The following KCND2 variants were observed in gnomAD, a reference collection of about 807,000 sequenced individuals.
KCND2 encodes A-type voltage-gated potassium channel KCND2.
Under a neutral mutation model 54.4 loss-of-function variants are expected in KCND2, and 16 were observed. The observed-to-expected ratio is 0.29, with a 90% CI of 0.20 to 0.45. The LOEUF (loss-of-function observed/expected upper bound fraction) is 0.45, where lower values mean the gene tolerates loss of function less well. KCND2 is among the 20% of genes least tolerant of loss of function. The pLI is 1.00. For missense variants in KCND2, 486 were observed against 824.2 expected, an observed-to-expected ratio of 0.59 and a Z score of 5.02; for synonymous variants, 317 against 310.7, an observed-to-expected ratio of 1.02 and a Z score of -0.21.
rs117922927 is a variant in KCND2 at position 120,321,979 on chromosome 7, T to A, written c.1115+46232T>A. 6.3e-3 allele frequency among the ~76,000 whole-genome samples: 954 copies of A among 152,030 alleles called. 9 individuals are homozygous for A. The highest frequency in any genetic ancestry group is 0.024 in the Middle Eastern group (7 of 294). On this transcript the variant is annotated intron_variant, in intron 1 of 5. Transcript: ENST00000331113. ...GTTAATATTAATGAGAAAATATGAG[T>A]AGGAAATTCCCACAGAAATATCTAC...
intron 1 of KCND2, among the ~76,000 whole-genome samples, chr7:120,632,415 A>C (rs897833510): frequency 6.6e-6 from 1 of 152,192 alleles, no homozygotes; most frequent in African/African-American, 2.4e-5. Context: ...TGTAAATTAC[A>C]GTTACTACTT....
chr7:120,329,470 G>A (rs2116344730), intron 1 of KCND2, among the ~76,000 whole-genome samples: 1 of 152,128 alleles, frequency 6.6e-6, no homozygotes, highest in Non-Finnish European at 1.5e-5. Context: ...TGAAAATTAA[G>A]TTAAATCTCC....
chr7:120,326,894 G>A (rs1231309647), intron 1 of KCND2, among the ~76,000 whole-genome samples: 1 of 152,018 alleles, frequency 6.6e-6, no homozygotes, highest in East Asian at 1.9e-4. Context: ...TATCTAATAA[G>A]TGCAGAACAA....
At chr7:120,648,265 A>G (rs901704831) in intron 1 of KCND2, among the ~76,000 whole-genome samples, 3 of 152,148 alleles carry the variant, frequency 2.0e-5, no homozygotes, top group Non-Finnish European at 4.4e-5. Context: ...ATGGGAATGA[A>G]TGAGTTTGGA....
chr7:120,572,207 C>G (rs1792374774), intron 1 of KCND2, among the ~76,000 whole-genome samples: 1 of 150,614 alleles, frequency 6.6e-6, no homozygotes, highest in Non-Finnish European at 1.5e-5. Flanking sequence ...AATTAAAATA[C>G]AGCCCATTGA....
chr7:120,283,830 TG>T (rs1383944939), intron 1 of KCND2, among the ~76,000 whole-genome samples: 1 of 152,152 alleles, frequency 6.6e-6, no homozygotes, highest in Non-Finnish European at 1.5e-5. Flanking sequence ...CTTTTCCAGG[TG>T]TTTTGTTAGT....
chr7:120,357,823 A>T (rs1800527828), intron 1 of KCND2, among the ~76,000 whole-genome samples: 1 of 152,116 alleles, frequency 6.6e-6, no homozygotes, highest in African/African-American at 2.4e-5. Context: ...TCCTCTTATA[A>T]GGATATGAGT....
chr7:120,394,893 G>A (rs1444043902), intron 1 of KCND2, among the ~76,000 whole-genome samples: 3 of 151,890 alleles, frequency 2.0e-5, no homozygotes, highest in African/African-American at 7.2e-5. Context: ...TTGGATGAGT[G>A]AGAAAAAAAT....
At chr7:120,559,549 A>G (rs919614707) in intron 1 of KCND2, among the ~76,000 whole-genome samples, 8 of 152,224 alleles carry the variant, frequency 5.3e-5, no homozygotes, top group African/African-American at 7.2e-5. Context: ...AGGCAGTTCT[A>G]TGATCATTTG....
At chr7:120,562,564 AT>A (rs375770881) in intron 1 of KCND2, among the ~76,000 whole-genome samples, 6,522 of 151,612 alleles carry the variant, frequency 0.043, 210 homozygotes, top group Non-Finnish European at 0.066. Context: ...GCAGAAAAGG[AT>A]TTTTTTTTCT....
chr7:120,685,973 A>G (rs765577462), intron 1 of KCND2, among the ~76,000 whole-genome samples: 63 of 152,260 alleles, frequency 4.1e-4, no homozygotes, highest in Non-Finnish European at 8.4e-4. Flanking sequence ...CATTCAAGTG[A>G]CTGAAGATCC....
At chr7:120,555,127 G>A (rs957402873) in intron 1 of KCND2, among the ~76,000 whole-genome samples, 1 of 152,052 alleles carries the variant, frequency 6.6e-6, no homozygotes, top group African/African-American at 2.4e-5. Flanking sequence ...TCCCACACAG[G>A]GACAAGAGTG....
intron 1 of KCND2, among the ~76,000 whole-genome samples, chr7:120,640,800 C>T (rs946009035): frequency 6.6e-6 from 1 of 152,110 alleles, no homozygotes; most frequent in African/African-American, 2.4e-5. Flanking sequence ...ATTCATCAGC[C>T]CACTGTATCT....
Position 120,430,502 on chromosome 7 carries a change from C to T in KCND2, c.1115+154755C>T, listed in dbSNP as rs569800773. Among the ~76,000 whole-genome samples the T allele has an allele frequency of 5.9e-5, 9 of 151,816 alleles. No homozygotes were observed. The South Asian group carries it at 6.3e-4, about 11-fold the overall frequency. On this transcript the variant is annotated intron_variant, in intron 1 of 5. Coordinates refer to ENST00000331113, the MANE Select transcript of KCND2 (RefSeq NM_012281.3). ...GTATGCACCAGTAATCCTAGCTACT[C>T]GGGAGGCTGAAGCAGGAGAATCACC...
chr7:120,543,903 ATCTTCTATGAATTTTTTGATTATGTG>A (rs1259224074), intron 1 of KCND2, among the ~76,000 whole-genome samples: 1 of 151,960 alleles, frequency 6.6e-6, no homozygotes, highest in Non-Finnish European at 1.5e-5. Flanking sequence ...AGCAATTATT[ATCTTCTATGAATTTTTTGATTATGTG>A]TATAACTGGG....
intron 1 of KCND2, among the ~76,000 whole-genome samples, chr7:120,345,626 A>G (rs550964096): frequency 3.3e-5 from 5 of 152,152 alleles, no homozygotes; most frequent in African/African-American, 1.2e-4. Flanking sequence ...ATACAAGTGG[A>G]CTAGCTTATT....
chr7:120,450,832 T>C (rs1224791711), intron 1 of KCND2, among the ~76,000 whole-genome samples: 1 of 152,136 alleles, frequency 6.6e-6, no homozygotes, highest in Non-Finnish European at 1.5e-5. Flanking sequence ...TTAAAGTGAA[T>C]TAATATTGTT....
intron 1 of KCND2, among the ~76,000 whole-genome samples, chr7:120,386,733 C>T (rs1800994029): frequency 6.6e-6 from 1 of 152,042 alleles, no homozygotes; most frequent in Non-Finnish European, 1.5e-5. Flanking sequence ...TTATATGAAA[C>T]ATTTCATCAC....
intron 1 of KCND2, among the ~76,000 whole-genome samples, chr7:120,281,440 A>C (rs1374858398): frequency 6.6e-6 from 1 of 151,204 alleles, no homozygotes; most frequent in Non-Finnish European, 1.5e-5. Flanking sequence ...AAAAAAAAAA[A>C]AACCCCAGGG....
Sources: allele counts gnomAD v4.1 joint callset (sites outside exome capture counted in the v4.1 genomes callset), GRCh38; gene constraint gnomAD v4.1.1; transcripts MANE v1.5; gene names NCBI Gene and HGNC (gene_info 2026-07-23, HGNC 2026-07-21).